The following FGF14 variants were observed in gnomAD, a reference collection of about 807,000 sequenced individuals.
FGF14 encodes the protein fibroblast growth factor homologous factor 4.
FGF14 carries 5 observed loss-of-function variants against 25.5 expected under a neutral mutation model. The observed-to-expected ratio is 0.20, with a 90% CI of 0.10 to 0.41. FGF14 has a LOEUF of 0.41. Among genes scored for constraint, FGF14 ranks in the 10% least tolerant of loss-of-function variants. The pLI is 1.00. For missense variants in FGF14, 222 were observed against 320.1 expected, an observed-to-expected ratio of 0.69 and a Z score of 2.34; for synonymous variants, 138 against 118.3, an observed-to-expected ratio of 1.17 and a Z score of -1.08.
At chr13:101,807,018 T>C (rs1034662101) in intron 3 of FGF14, among the ~76,000 whole-genome samples, 3 of 151,940 alleles carry the variant, frequency 2.0e-5, no homozygotes, top group Non-Finnish European at 4.4e-5. Flanking sequence ...GCACACTAAA[T>C]TTAAAAACAA....
At chr13:102,384,285 C>T (rs560384148) in intron 1 of FGF14, among the ~76,000 whole-genome samples, 1 of 151,972 alleles carries the variant, frequency 6.6e-6, no homozygotes, top group Non-Finnish European at 1.5e-5. Context: ...TTGTATTACA[C>T]GACAAAGAAC....
chr13:101,884,631 T>C (rs898722835), intron 1 of FGF14, among the ~76,000 whole-genome samples: 11 of 152,214 alleles, frequency 7.2e-5, no homozygotes, highest in African/African-American at 2.2e-4. Flanking sequence ...CTAGCTATCC[T>C]GTGTAAGAAT....
chr13:102,330,233 A>G (rs1822586601), intron 1 of FGF14, among the ~76,000 whole-genome samples: 1 of 152,158 alleles, frequency 6.6e-6, no homozygotes. Context: ...AAGTAAACAG[A>G]AGAGAATGCC....
At chr13:102,135,636 A>T (rs1426245836) in intron 1 of FGF14, among the ~76,000 whole-genome samples, 1 of 152,118 alleles carries the variant, frequency 6.6e-6, no homozygotes, top group East Asian at 1.9e-4. Context: ...TACATGTGGG[A>T]TTTGAAGTGC....
chr13:102,337,680 A>C (rs1577691), intron 1 of FGF14, among the ~76,000 whole-genome samples: 116,590 of 151,952 alleles, frequency 0.77, 45,703 homozygotes, highest in African/African-American at 0.93. Context: ...TCCATTGATG[A>C]AGCAAACTTT....
intron 1 of FGF14, among the ~76,000 whole-genome samples, chr13:101,950,054 C>T (rs1457920449): frequency 2.0e-5 from 3 of 151,694 alleles, no homozygotes; most frequent in Non-Finnish European, 4.4e-5. Flanking sequence ...CCATTTCTGT[C>T]TGGCCTCTTT....
At chr13:102,167,357 G>A (rs968638728) in intron 1 of FGF14, among the ~76,000 whole-genome samples, 7 of 149,240 alleles carry the variant, frequency 4.7e-5, no homozygotes, top group Non-Finnish European at 8.9e-5. Flanking sequence ...CTCAGGTTGC[G>A]TCTATTGAGA....
chr13:101,926,098 T>G (rs2034342850), intron 1 of FGF14, among the ~76,000 whole-genome samples: 1 of 152,176 alleles, frequency 6.6e-6, no homozygotes, highest in African/African-American at 2.4e-5. Context: ...TAATCACATC[T>G]GCAAAATCGT....
At chr13:102,269,916 G>C (rs937358619) in intron 1 of FGF14, among the ~76,000 whole-genome samples, 1 of 152,144 alleles carries the variant, frequency 6.6e-6, no homozygotes, top group African/African-American at 2.4e-5. Context: ...CCACAAGCTA[G>C]AGGCCTGACC....
intron 3 of FGF14, among the ~76,000 whole-genome samples, chr13:101,752,524 G>A (rs2139847457): frequency 6.6e-6 from 1 of 152,234 alleles, no homozygotes; most frequent in Non-Finnish European, 1.5e-5. Flanking sequence ...GAAAGTACTT[G>A]GCAAAGTCAG....
intron 1 of FGF14, among the ~76,000 whole-genome samples, chr13:102,334,938 G>GT (rs2056748267): frequency 6.6e-6 from 1 of 152,064 alleles, no homozygotes; most frequent in Non-Finnish European, 1.5e-5. Flanking sequence ...TCAATCCACA[G>GT]TAAGACCCCA....
chr13:101,763,969 C>A (rs2038218199), intron 3 of FGF14, among the ~76,000 whole-genome samples: 1 of 151,918 alleles, frequency 6.6e-6, no homozygotes, highest in African/African-American at 2.4e-5. Flanking sequence ...GAAATTTGGT[C>A]CTATATGTAT....
chr13:102,393,329 C>T (rs2058479638), intron 1 of FGF14, among the ~76,000 whole-genome samples: 2 of 152,212 alleles, frequency 1.3e-5, no homozygotes, highest in African/African-American at 4.8e-5. Flanking sequence ...ACAGTTCAAA[C>T]ACAGCAGCAC....
At chr13:102,223,381 T>C (rs1321445608) in intron 1 of FGF14, among the ~76,000 whole-genome samples, 1 of 152,180 alleles carries the variant, frequency 6.6e-6, no homozygotes, top group Non-Finnish European at 1.5e-5. Flanking sequence ...AATTATTTAT[T>C]TGTAAATCCT....
At chr13:102,006,165 T>C (rs1041826878) in intron 1 of FGF14, among the ~76,000 whole-genome samples, 1 of 152,190 alleles carries the variant, frequency 6.6e-6, no homozygotes, top group Non-Finnish European at 1.5e-5. Flanking sequence ...GGGGAAAATG[T>C]TAACAAGGGG....
chr13:102,067,008 A>G (rs902613110), intron 1 of FGF14, among the ~76,000 whole-genome samples: 3 of 152,142 alleles, frequency 2.0e-5, no homozygotes, highest in African/African-American at 7.2e-5. Context: ...CCGTCTCACC[A>G]TGTCTCCTAC....
At chr13:101,837,806 A>G (rs2043000150) in intron 3 of FGF14, among the ~76,000 whole-genome samples, 1 of 152,082 alleles carries the variant, frequency 6.6e-6, no homozygotes, top group Non-Finnish European at 1.5e-5. Context: ...GATGCAAAGT[A>G]GTGCTCCTGG....
intron 1 of FGF14, among the ~76,000 whole-genome samples, chr13:102,070,956 A>AAC (rs56002219): frequency 0.025 from 3,779 of 148,862 alleles, 71 homozygotes; most frequent in Non-Finnish European, 0.033. Flanking sequence ...AACAAAACAA[A>AAC]ACACACACAC....
intron 1 of FGF14, among the ~76,000 whole-genome samples, chr13:102,230,960 T>C (rs1050138950): frequency 1.3e-5 from 2 of 152,196 alleles, no homozygotes; most frequent in African/African-American, 2.4e-5. Context: ...AGAGTTAAAA[T>C]GACATACTCA....
Sources: allele counts gnomAD v4.1 joint callset (sites outside exome capture counted in the v4.1 genomes callset), GRCh38; gene constraint gnomAD v4.1.1; transcripts MANE v1.5; gene names NCBI Gene and HGNC (gene_info 2026-07-23, HGNC 2026-07-21).